Variants in RTN4IP1 observed in about 807,000 individuals in gnomAD.
RTN4IP1 encodes the protein reticulon 4 interacting protein 1.
RTN4IP1 carries 32 observed loss-of-function variants against 46.6 expected under a neutral mutation model. The ratio of observed to expected loss-of-function variants is 0.69; its 90% CI spans 0.52 to 0.92. The LOEUF (loss-of-function observed/expected upper bound fraction) is 0.92. Ranked by LOEUF, RTN4IP1 falls within the 40% of genes least tolerant of loss-of-function variation. RTN4IP1 has a pLI of 0.00. For missense variants in RTN4IP1, 424 were observed against 485.8 expected (o/e 0.87, Z 1.20); for synonymous variants, 167 against 161.8 (o/e 1.03, Z -0.24).
intron 1 of RTN4IP1, among the ~76,000 whole-genome samples, chr6:106,628,030 T>G (rs187354067): frequency 7.9e-5 from 11 of 138,614 alleles, no homozygotes; most frequent in Non-Finnish European, 1.2e-4. Flanking sequence ...AAAGCGCCCT[T>G]GCACTCCAGC....
intron 5 of RTN4IP1, among the ~76,000 whole-genome samples, chr6:106,593,029 C>T (rs929033552): frequency 6.6e-6 from 1 of 152,000 alleles, no homozygotes; most frequent in Non-Finnish European, 1.5e-5. Flanking sequence ...AAAATGTATA[C>T]AGAACATTAA....
rs1300259748 is a variant in RTN4IP1, at chr6:106,571,759, C to T, written c.*237G>A. ...AAGGTGCCACAACAACCTGCAAAGCCAGTGTGAAGGAACAGCTTGAAAAAA... is the reference window on the plus strand; with the variant it reads ...AAGGTGCCACAACAACCTGCAAAGCTAGTGTGAAGGAACAGCTTGAAAAAA... On this transcript the variant is annotated 3_prime_UTR_variant, in exon 9 of 9. Coordinates refer to ENST00000369063, the MANE Select transcript of RTN4IP1 (RefSeq NM_032730.5). 2 of 435,098 alleles carry T rather than the reference C, an allele frequency of 4.6e-6. No homozygotes were observed. Among genetic ancestry groups the T allele is most frequent in the East Asian group, 4.3e-5 (1 of 23,420 alleles). The allele number at this position is 435,098 out of a possible 1,614,324, so 27.0% of individuals were successfully genotyped here.
At chr6:106,593,916 T>C (rs1775721766) in intron 5 of RTN4IP1, among the ~76,000 whole-genome samples, 1 of 152,188 alleles carries the variant, frequency 6.6e-6, no homozygotes. Context: ...GAATAGCTCA[T>C]TGTGACCATC....
At chr6:106,617,453 C>T (rs1776382906) in intron 4 of RTN4IP1, among the ~76,000 whole-genome samples, 1 of 152,166 alleles carries the variant, frequency 6.6e-6, no homozygotes, top group South Asian at 2.1e-4. Flanking sequence ...TCTCAAAGCT[C>T]TCCTCAAAAC....
At chr6:106,575,420 T>C (rs1199401587) in intron 8 of RTN4IP1, among the ~76,000 whole-genome samples, 1 of 152,254 alleles carries the variant, frequency 6.6e-6, no homozygotes, top group Non-Finnish European at 1.5e-5. Context: ...ACATCACTTC[T>C]GTGAGAACGT....
At chr6:106,595,957 CAA>C (rs747157782) in intron 5 of RTN4IP1, among the ~76,000 whole-genome samples, 1 of 152,114 alleles carries the variant, frequency 6.6e-6, no homozygotes, top group Non-Finnish European at 1.5e-5. Context: ...TATCAAATTC[CAA>C]AAGTGACCTC....
chr6:106,627,686 A>G (rs1362233233), intron 1 of RTN4IP1, among the ~76,000 whole-genome samples: 1 of 151,478 alleles, frequency 6.6e-6, no homozygotes, highest in Non-Finnish European at 1.5e-5. Context: ...TACTACTTCA[A>G]AACAAAGAAT....
At chr6:106,572,340 A>G in intron 8 of RTN4IP1, 2 of 507,910 alleles carry the variant, frequency 3.9e-6, no homozygotes, top group Non-Finnish European at 7.1e-6. Flanking sequence ...CTTCTCCTCC[A>G]TGCTGGTCTT....
chr6:106,622,767 CA>C, intron 2 of RTN4IP1, 50 bp downstream of exon 2: 1 of 1,564,628 alleles, frequency 6.4e-7, no homozygotes. Context: ...GTCGCTGGAT[CA>C]GGGTCTGTGG....
rs776295260 is a variant in RTN4IP1, at chr6:106,622,997, C to G, written c.275-28G>C. On this transcript the variant is annotated intron_variant, in intron 1 of 8. Transcript: ENST00000369063. ...GTAAAATACAATTTATCTGTTTCCT[C>G]CAAATGTAAGTATGAAATGCTTTTA... The G allele has an allele frequency of 7.5e-6, 12 of 1,608,788 alleles. 1 individual carries two copies. The Middle Eastern group carries it at 8.3e-4, about 111-fold the overall frequency.
At chr6:106,605,390 C>T (rs538018940) in intron 4 of RTN4IP1, among the ~76,000 whole-genome samples, 1 of 150,678 alleles carries the variant, frequency 6.6e-6, no homozygotes, top group Admixed American at 6.6e-5. Context: ...GGCACCACTG[C>T]ACTCCAGCCT....
intron 4 of RTN4IP1, among the ~76,000 whole-genome samples, chr6:106,613,409 C>T (rs1337949591): frequency 1.3e-5 from 2 of 152,104 alleles, no homozygotes; most frequent in Non-Finnish European, 2.9e-5. Flanking sequence ...GAAAGTTAAA[C>T]AAGGTTTGAA....
chr6:106,619,606 A>ATTTTTT (rs869120910), intron 3 of RTN4IP1, among the ~76,000 whole-genome samples: 10 of 110,468 alleles, frequency 9.1e-5, no homozygotes, highest in Admixed American at 1.1e-4. Context: ...ACTTTTCTTC[A>ATTTTTT]TTTTTTTTTT....
Position 106,571,923 on chromosome 6 carries a change from G to A in RTN4IP1, c.*73C>T. ...ATCTGGAAAAATGTTTGAAAGGGAT[G>A]GCTAGAAAAAAATTTGGGCTCACAG... On this transcript the variant is annotated 3_prime_UTR_variant, in exon 9 of 9. Transcript: ENST00000369063. The A allele has an allele frequency of 2.1e-6, 2 of 943,890 alleles. No individual in the cohort carries two copies. The highest frequency in any genetic ancestry group is 3.4e-6 in the Non-Finnish European group (2 of 585,836). The allele number at this position is 943,890 out of a possible 1,614,324, so 58.5% of individuals were successfully genotyped here.
intron 1 of RTN4IP1, among the ~76,000 whole-genome samples, chr6:106,625,645 C>CTTTTTTCTT (rs1419182872): frequency 2.2e-4 from 32 of 143,044 alleles, no homozygotes; most frequent in African/African-American, 8.0e-4. Context: ...TTTTGAGTGG[C>CTTTTTTCTT]TTTTTTCTTT....
chr6:106,629,450 C>G lies in RTN4IP1; in HGVS notation c.-429G>C, dbSNP rs940123231. 4 of 610,782 alleles carry G rather than the reference C, an allele frequency of 6.5e-6. No individual in the cohort carries two copies. Among genetic ancestry groups the G allele is most frequent in the African/African-American group, 1.9e-5 (1 of 53,700 alleles). The allele number at this position is 610,782 out of a possible 1,614,324, so 37.8% of individuals were successfully genotyped here. On this transcript the variant is annotated 5_prime_UTR_variant, in exon 1 of 9. Transcript: ENST00000369063. ...GCCGACTGCCGCCGCGACCCTGGCCCGGAATCTCCTTGCCTGCCCGCTCTC... is the reference window on the plus strand; with the variant it reads ...GCCGACTGCCGCCGCGACCCTGGCCGGGAATCTCCTTGCCTGCCCGCTCTC...
Position 106,571,844 on chromosome 6 carries a change from G to A in RTN4IP1, c.*152C>T. 1 of 550,476 alleles carries A rather than the reference G, an allele frequency of 1.8e-6. No individual in the cohort carries two copies. Among genetic ancestry groups the A allele is most frequent in the Non-Finnish European group, 3.3e-6 (1 of 307,636 alleles). 34.1% of individuals were successfully genotyped at this position (550,476 alleles called of 1,614,324 possible). A position where few individuals can be genotyped will look rare whatever the true frequency, so the allele number is the denominator to read the frequency against. ...TGCTGATATTTTTATATCAATTACT[G>A]GCCAAAATGGTGTGTTTATTTTTTA... On this transcript the variant is annotated 3_prime_UTR_variant, in exon 9 of 9. Coordinates refer to ENST00000369063, the MANE Select transcript of RTN4IP1 (RefSeq NM_032730.5).
intron 7 of RTN4IP1, 66 bp downstream of exon 7, chr6:106,587,613 G>C: frequency 6.8e-7 from 1 of 1,468,012 alleles, no homozygotes; most frequent in South Asian, 1.3e-5. Flanking sequence ...AAACTGGCTA[G>C]GTGGGAAACC....
intron 5 of RTN4IP1, among the ~76,000 whole-genome samples, chr6:106,601,303 T>C (rs1352436532): frequency 1.3e-5 from 2 of 152,002 alleles, no homozygotes; most frequent in African/African-American, 2.4e-5. Context: ...TCTTTATATA[T>C]TCTGGATACT....
Sources: allele counts gnomAD v4.1 joint callset (sites outside exome capture counted in the v4.1 genomes callset), GRCh38; gene constraint gnomAD v4.1.1; transcripts MANE v1.5; gene names NCBI Gene and HGNC (gene_info 2026-07-23, HGNC 2026-07-21).